OSBPL3: variants seen among roughly 807,000 people sequenced by gnomAD.
The protein encoded by OSBPL3 is oxysterol-binding protein-related protein 3.
OSBPL3 carries 65 observed loss-of-function variants against 120.1 expected under a neutral mutation model. That is an observed-to-expected ratio of 0.54 (90% CI 0.44 to 0.67). OSBPL3 has a LOEUF of 0.67. OSBPL3 is among the 30% of genes least tolerant of loss of function. OSBPL3 has a pLI of 0.00. For synonymous variants in OSBPL3, 416 were observed against 402.6 expected (o/e 1.03, Z -0.40); for missense variants, 1,004 against 1,082.1 (o/e 0.93, Z 1.01).
chr7:24,953,248 A>C lies in OSBPL3; in HGVS notation c.-150+26638T>G, dbSNP rs1814654467. On this transcript the variant is annotated intron_variant, in intron 1 of 22. Transcript: ENST00000313367. This position sits in a 1 kb window ranked among gnomAD's most constrained non-coding sequence, Gnocchi z 4.3. Reference sequence around the variant, plus strand: ...ATCACTTTAATTATTCTGGCAACCCATCTATAGTTCAATTCTCAATATGCC... The same window carrying C: ...ATCACTTTAATTATTCTGGCAACCCCTCTATAGTTCAATTCTCAATATGCC... Among the ~76,000 whole-genome samples the C allele has an allele frequency of 6.6e-6, 1 of 152,208 alleles. No individual in the cohort carries two copies. The highest frequency in any genetic ancestry group is 2.4e-5 in the African/African-American group (1 of 41,454).
At chr7:24,847,179 G>A (rs1798557907) in intron 12 of OSBPL3, among the ~76,000 whole-genome samples, 2 of 152,092 alleles carry the variant, frequency 1.3e-5, no homozygotes, top group South Asian at 4.1e-4. Flanking sequence ...TTTCCCAATA[G>A]AGTACCAGAG....
chr7:24,804,465 A>G lies in OSBPL3; in HGVS notation c.2445-28T>C. ...GAGGCATCGAGGAAAAAAAAATGAAAGGATATGAATTCAAGAAAACAAAAC... is the reference window on the plus strand; with the variant it reads ...GAGGCATCGAGGAAAAAAAAATGAAGGGATATGAATTCAAGAAAACAAAAC... On this transcript the variant is annotated intron_variant, in intron 21 of 22. Transcript: ENST00000313367. The surrounding 1 kb of genome is among the most constrained non-coding windows in gnomAD (Gnocchi z 5.4). 6.2e-7 allele frequency: 1 copy of G among 1,605,374 alleles called. No individual in the cohort carries two copies. The highest frequency in any genetic ancestry group is 8.5e-7 in the Non-Finnish European group (1 of 1,174,784).
rs57963279 is a variant in OSBPL3 at position 24,812,304 on chromosome 7, CAAAA to C, written c.2173-2357_2173-2354del. On this transcript the variant is annotated intron_variant, in intron 19 of 22. Transcript: ENST00000313367. ...AGTGGGTGAGATTGAGACTCCATCT[CAAAA>C]AAAAAAAAAAAAAAAAGAACAAGAA... 1.5e-3 allele frequency among the ~76,000 whole-genome samples: 150 copies of C among 97,016 alleles called. 1 individual carries two copies. In the East Asian group the frequency reaches 0.019, roughly 12 times the overall value. 63.6% of individuals were successfully genotyped at this position (97,016 alleles called of 152,430 possible). A position where few individuals can be genotyped will look rare whatever the true frequency, so the allele number is the denominator to read the frequency against.
At chr7:24,907,845 T>C (rs1584581510) in intron 1 of OSBPL3, among the ~76,000 whole-genome samples, 1 of 152,320 alleles carries the variant, frequency 6.6e-6, no homozygotes, top group African/African-American at 2.4e-5. Flanking sequence ...GGTCTATATC[T>C]CACTCGGGAC....
At chr7:24,917,953 T>C (rs1255067566) in intron 1 of OSBPL3, 1 of 284,474 alleles carries the variant, frequency 3.5e-6, no homozygotes, top group Admixed American at 6.5e-5. Context: ...GAGGCAACAC[T>C]TACCCATTTA....
chr7:24,858,693 C>T (rs1402333918), intron 10 of OSBPL3, among the ~76,000 whole-genome samples: 1 of 152,190 alleles, frequency 6.6e-6, no homozygotes, highest in Non-Finnish European at 1.5e-5. Flanking sequence ...AGCTCTGCAG[C>T]CAGCAGGTTT....
At chr7:24,875,789 T>C (rs1051268244) in intron 2 of OSBPL3, among the ~76,000 whole-genome samples, 8 of 151,002 alleles carry the variant, frequency 5.3e-5, no homozygotes, top group African/African-American at 1.7e-4. Context: ...ATTTTATATA[T>C]ATACAAATTT....
chr7:24,841,781 G>A (rs1404245399), intron 13 of OSBPL3, among the ~76,000 whole-genome samples: 9 of 151,164 alleles, frequency 6.0e-5, no homozygotes, highest in Non-Finnish European at 1.2e-4. Flanking sequence ...TGAGGCAGGC[G>A]GATCACCTGA....
chr7:24,875,710 C>A (rs1293423728), intron 2 of OSBPL3, among the ~76,000 whole-genome samples: 1 of 151,322 alleles, frequency 6.6e-6, no homozygotes, highest in African/African-American at 2.4e-5. Flanking sequence ...GAGACCCAGT[C>A]TCTTAAAAAA....
At chr7:24,980,719 C>T (rs573370461), upstream of OSBPL3, among the ~76,000 whole-genome samples, 16 of 152,048 alleles carry the variant, frequency 1.1e-4, no homozygotes, top group African/African-American at 3.6e-4. Flanking sequence ...TGACAAAGGA[C>T]AGCATCAGTG....
chr7:24,828,679 T>G (rs1432005661), intron 16 of OSBPL3, among the ~76,000 whole-genome samples: 1 of 150,514 alleles, frequency 6.6e-6, no homozygotes, highest in Non-Finnish European at 1.5e-5. Context: ...CAATAGCCAT[T>G]TACTGAATAT....
intron 1 of OSBPL3, among the ~76,000 whole-genome samples, chr7:24,923,546 G>A (rs1203476772): frequency 6.6e-6 from 1 of 152,206 alleles, no homozygotes; most frequent in Non-Finnish European, 1.5e-5. Context: ...AAGCAGGGAT[G>A]AGTATGGGAC....
intron 19 of OSBPL3, among the ~76,000 whole-genome samples, chr7:24,811,125 T>C (rs1216583534): frequency 6.6e-6 from 1 of 152,242 alleles, no homozygotes; most frequent in Non-Finnish European, 1.5e-5. Context: ...ATAATAGCTG[T>C]GCTAATTTAC....
chr7:24,980,191 C>G (rs995674110), upstream of OSBPL3: 1 of 354,072 alleles, frequency 2.8e-6, no homozygotes, highest in African/African-American at 2.2e-5. Flanking sequence ...CGCGCGCCGC[C>G]CGGCGATTAG....
Position 24,863,115 on chromosome 7 carries a change from T to C in OSBPL3, c.870+85A>G. On this transcript the variant is annotated intron_variant, in intron 9 of 22. Coordinates refer to ENST00000313367, the MANE Select transcript of OSBPL3 (RefSeq NM_015550.4). This position sits in a 1 kb window ranked among gnomAD's most constrained non-coding sequence, Gnocchi z 5.8. ...CAGAATATTCACTCATCTATTCTCC[T>C]AGCTGAGTCAAGGTAGCTGCTGGCA... is the stretch of plus-strand genomic sequence containing the variant. The C allele has an allele frequency of 1.1e-6, 1 of 900,182 alleles. No individual in the cohort carries two copies. Among genetic ancestry groups the C allele is most frequent in the Non-Finnish European group, 1.9e-6 (1 of 532,318 alleles). The allele number at this position is 900,182 out of a possible 1,614,324, so 55.8% of individuals were successfully genotyped here.
At chr7:24,974,465 A>T (rs1817360645) in intron 1 of OSBPL3, among the ~76,000 whole-genome samples, 1 of 152,212 alleles carries the variant, frequency 6.6e-6, no homozygotes, top group Non-Finnish European at 1.5e-5. Flanking sequence ...CAGTCATCTG[A>T]ATGTTTATTA....
In OSBPL3 at chr7:24,861,685, A is replaced by G; in HGVS notation, c.955T>C (p.Tyr319His). The G allele has an allele frequency of 1.2e-6, 2 of 1,611,564 alleles. No homozygotes were observed. Among genetic ancestry groups the G allele is most frequent in the Non-Finnish European group, 1.7e-6 (2 of 1,178,002 alleles). The change falls in exon 10 of 23, where the codon TAT (tyrosine) becomes CAT (histidine). Residue 319 changes from tyrosine (Y) to histidine (H), a missense_variant. Transcript: ENST00000313367. ...GATGAGGTTTCAGAGCCATCAGAAT[A>G]ATTTTTCTCTTCTCCAAAATCTAGT... ...STLDFGEEKN[Y>H]SDGSETSSEF... is the part of the protein sequence containing the mutation.
Position 24,898,273 on chromosome 7 carries a change from C to G in OSBPL3, c.-149-5652G>C, listed in dbSNP as rs1584544930. 6.6e-6 allele frequency among the ~76,000 whole-genome samples: 1 copy of G among 152,202 alleles called. No individual in the cohort carries two copies. Among genetic ancestry groups the G allele is most frequent in the East Asian group, 1.9e-4 (1 of 5,204 alleles). ...GATACCGATCGGTGATCCCGGACCT[C>G]TGAAGTGCTGTCCATGTGTCCGAAC... is the stretch of plus-strand genomic sequence containing the variant. On this transcript the variant is annotated intron_variant, in intron 1 of 22. Coordinates refer to ENST00000313367, the MANE Select transcript of OSBPL3 (RefSeq NM_015550.4). This position sits in a 1 kb window ranked among gnomAD's most constrained non-coding sequence, Gnocchi z 4.3.
chr7:24,867,551 G>A lies in OSBPL3; in HGVS notation c.382-1314C>T, dbSNP rs1054607601. Among the ~76,000 whole-genome samples, 1 of 152,104 alleles carries A rather than the reference G, an allele frequency of 6.6e-6. No individual in the cohort carries two copies. The highest frequency in any genetic ancestry group is 2.4e-5 in the African/African-American group (1 of 41,402). ...GCAAGATCTGGTGGTATTATAAAGT[G>A]GTGTTTCCCTGCACAAACTCTTTCT... On this transcript the variant is annotated intron_variant, in intron 5 of 22. Transcript: ENST00000313367. This position sits in a 1 kb window ranked among gnomAD's most constrained non-coding sequence, Gnocchi z 4.5.
Sources: gnomAD v4.1 joint callset for allele counts (sites outside exome capture counted in the v4.1 genomes callset) on GRCh38, gnomAD v4.1.1 for gene constraint, Gnocchi (gnomAD v3.1) non-coding constraint, MANE v1.5 for transcripts, NCBI Gene and HGNC (gene_info 2026-07-23, HGNC 2026-07-21) for gene names.